The following GSE1 variants were observed in gnomAD, a reference collection of about 807,000 sequenced individuals.
GSE1 encodes Gse1 coiled-coil protein.
In GSE1, 32 loss-of-function variants were observed where a neutral mutation model predicts 112.6. That is an observed-to-expected ratio of 0.28 (90% CI 0.21 to 0.38). The LOEUF (loss-of-function observed/expected upper bound fraction) is 0.38. Ranked by LOEUF, GSE1 falls within the 10% of genes least tolerant of loss-of-function variation. The pLI, the probability that GSE1 is intolerant of heterozygous loss-of-function variation, is 1.00. For missense variants in GSE1, 2,348 were observed against 1,699.2 expected, an observed-to-expected ratio of 1.38 and a Z score of -6.71; for synonymous variants, 1,115 against 735.6, an observed-to-expected ratio of 1.52 and a Z score of -8.35.
chr16:85,170,146 G>T, exon 1 of GSE1: 1 of 985,364 alleles, frequency 1.0e-6, no homozygotes, highest in South Asian at 4.7e-5. Flanking sequence ...GCCTCGCGGG[G>T]GGCGCGGCCA....
At chr16:85,287,665 C>T (rs139475833) in intron 1 of GSE1, among the ~76,000 whole-genome samples, 2 of 152,018 alleles carry the variant, frequency 1.3e-5, no homozygotes, top group Non-Finnish European at 2.9e-5. Flanking sequence ...TCTTTCCTGA[C>T]CACCCTTTCT....
chr16:85,506,381 C>T (rs115542758), intron 2 of GSE1, among the ~76,000 whole-genome samples: 4 of 152,002 alleles, frequency 2.6e-5, no homozygotes, highest in South Asian at 2.1e-4. Context: ...GGAGCAGGCA[C>T]GTGGGGAAGG....
chr16:85,667,756 G>C (rs1228396551), intron 13 of GSE1, among the ~76,000 whole-genome samples: 1 of 152,192 alleles, frequency 6.6e-6, no homozygotes, highest in Non-Finnish European at 1.5e-5. Context: ...CCACTCCGGA[G>C]GCTGAGGCAG....
rs149629714 is a variant in GSE1 at position 85,240,808 on chromosome 16, G to T, written c.2283+69001G>T. Among the ~76,000 whole-genome samples, 158 of 152,336 alleles carry T rather than the reference G, an allele frequency of 1.0e-3. 1 individual carries two copies. The highest frequency in any genetic ancestry group is 1.7e-3 in the Non-Finnish European group (116 of 68,022). ...TTGGCTGAATTGTATTCAGAGGCTG[G>T]TGCTGGGTTGGGGGGTCCCAGGTAA... is the stretch of plus-strand genomic sequence containing the variant. On this transcript the variant is annotated intron_variant, in intron 1 of 2. Coordinates refer to the GSE1 transcript ENST00000637419.
intron 2 of GSE1, among the ~76,000 whole-genome samples, chr16:85,365,937 G>A (rs1280593504): frequency 6.6e-6 from 1 of 152,224 alleles, no homozygotes; most frequent in Admixed American, 6.5e-5. Flanking sequence ...CGGGGATGAC[G>A]GGGTTTCAAG....
chr16:85,653,739 C>T (rs2051645829), intron 3 of GSE1, among the ~76,000 whole-genome samples: 2 of 152,190 alleles, frequency 1.3e-5, no homozygotes, highest in African/African-American at 4.8e-5. Context: ...CACCTTCGGC[C>T]CAGGGGCAGT....
chr16:85,612,562 A>G (rs1264602219), upstream of GSE1, among the ~76,000 whole-genome samples: 1 of 151,070 alleles, frequency 6.6e-6, no homozygotes. Flanking sequence ...GGTTCTTTAA[A>G]GAACACCCCC....
chr16:85,340,437 C>T (rs906397873), intron 1 of GSE1, among the ~76,000 whole-genome samples: 4 of 151,932 alleles, frequency 2.6e-5, no homozygotes, highest in Admixed American at 6.6e-5. Context: ...GTGAGGAGTT[C>T]GAAACCAGCC....
chr16:85,312,208 G>C (rs929384418), intron 1 of GSE1, among the ~76,000 whole-genome samples: 1 of 149,306 alleles, frequency 6.7e-6, no homozygotes, highest in Non-Finnish European at 1.5e-5. Flanking sequence ...CTCTTGCGGG[G>C]GGGGGGGGGA....
chr16:85,640,164 C>T (rs990510327), intron 2 of GSE1, among the ~76,000 whole-genome samples: 5 of 152,130 alleles, frequency 3.3e-5, no homozygotes, highest in African/African-American at 7.2e-5. Flanking sequence ...TGGGGTTGGG[C>T]GCACAAGAGT....
chr16:85,506,688 C>T (rs1035591107), intron 2 of GSE1, among the ~76,000 whole-genome samples: 2 of 152,072 alleles, frequency 1.3e-5, no homozygotes, highest in African/African-American at 2.4e-5. Flanking sequence ...GTGGGGGCAG[C>T]GCCGTAATCA....
At chr16:85,241,618 T>G (rs1410955681) in intron 1 of GSE1, among the ~76,000 whole-genome samples, 1 of 152,144 alleles carries the variant, frequency 6.6e-6, no homozygotes, top group Admixed American at 6.5e-5. Flanking sequence ...GTGCCTGGAT[T>G]TAGGAATATG....
chr16:85,264,540 C>G (rs1415075983), intron 1 of GSE1, among the ~76,000 whole-genome samples: 1 of 152,186 alleles, frequency 6.6e-6, no homozygotes, highest in African/African-American at 2.4e-5. Context: ...AGACCTGGAA[C>G]TGAGGTCTAA....
chr16:85,613,351 T>G lies in GSE1; in HGVS notation c.-41T>G, dbSNP rs1246930535. The G allele has an allele frequency of 6.4e-7, 1 of 1,566,564 alleles. No homozygotes were observed. The highest frequency in any genetic ancestry group is 1.4e-5 in the African/African-American group (1 of 73,252). Reference sequence around the variant, plus strand: ...TAGACAAACACTGGGCGACGGTGGCTCCAGCATGTATCAGCCGAGGTGGAG... The same window carrying G: ...TAGACAAACACTGGGCGACGGTGGCGCCAGCATGTATCAGCCGAGGTGGAG... On this transcript the variant is annotated 5_prime_UTR_variant, in exon 1 of 16. Coordinates refer to ENST00000253458, the MANE Select transcript of GSE1 (RefSeq NM_014615.5).
chr16:85,340,271 G>T (rs1302539481), intron 1 of GSE1, among the ~76,000 whole-genome samples: 1 of 152,114 alleles, frequency 6.6e-6, no homozygotes, highest in Non-Finnish European at 1.5e-5. Flanking sequence ...GATCACTTGA[G>T]CCCACCAGTT....
chr16:85,611,570 C>G (rs956661155), upstream of GSE1: 1 of 751,660 alleles, frequency 1.3e-6, no homozygotes, highest in Non-Finnish European at 1.6e-6. Context: ...CTCGCCGGTC[C>G]GTTTCCCTTT....
intron 2 of GSE1, among the ~76,000 whole-genome samples, chr16:85,427,127 G>C (rs1311735506): frequency 6.6e-6 from 1 of 152,112 alleles, no homozygotes; most frequent in African/African-American, 2.4e-5. Flanking sequence ...AGCACTGTGA[G>C]TCCTGGGGTC....
chr16:85,659,173 T>C (rs1453480545), intron 8 of GSE1, among the ~76,000 whole-genome samples: 1 of 152,198 alleles, frequency 6.6e-6, no homozygotes, highest in Non-Finnish European at 1.5e-5. Flanking sequence ...ATTTGTCCCT[T>C]GGCCTGGAGT....
At chr16:85,607,924 G>A (rs1361979135), upstream of GSE1, among the ~76,000 whole-genome samples, 1 of 152,200 alleles carries the variant, frequency 6.6e-6, no homozygotes. Flanking sequence ...GGCTGGTGGA[G>A]GATGCTTCTT....
Sources: gnomAD v4.1 joint callset for allele counts (sites outside exome capture counted in the v4.1 genomes callset) on GRCh38, gnomAD v4.1.1 for gene constraint, MANE v1.5 for transcripts, NCBI Gene and HGNC (gene_info 2026-07-23, HGNC 2026-07-21) for gene names.